Variants in JCHAIN observed in about 807,000 individuals in gnomAD.
JCHAIN encodes the protein immunoglobulin J chain.
Under a neutral mutation model 11.1 loss-of-function variants are expected in JCHAIN, and 5 were observed. The ratio of observed to expected loss-of-function variants is 0.45; its 90% CI spans 0.24 to 0.95. JCHAIN has a LOEUF of 0.95. JCHAIN is among the 40% of genes least tolerant of loss of function. The pLI is 0.21. For missense variants in JCHAIN, 165 were observed against 192.7 expected, an observed-to-expected ratio of 0.86 and a Z score of 0.85; for synonymous variants, 51 against 67.8, an observed-to-expected ratio of 0.75 and a Z score of 1.22.
At chr4:70,661,862 A>G (rs1041992382) in intron 2 of JCHAIN, among the ~76,000 whole-genome samples, 7 of 152,240 alleles carry the variant, frequency 4.6e-5, no homozygotes, top group Non-Finnish European at 1.0e-4. Flanking sequence ...ACCTTTGTTT[A>G]TAATTTGATG....
chr4:70,656,543 A>C lies in JCHAIN; in HGVS notation c.270-4T>G. 6.2e-7 allele frequency: 1 copy of C among 1,603,752 alleles called. No individual in the cohort carries two copies. On this transcript the variant is annotated splice_polypyrimidine_tract_variant and splice_region_variant and intron_variant, in intron 3 of 3. Coordinates refer to ENST00000254801, the MANE Select transcript of JCHAIN (RefSeq NM_144646.4). The stretch of plus-strand genomic sequence containing the variant: ...TGTAGGATCACATTTTTTACAGCTG[A>C]AAAGCAAATATATGTATTAGACAAT...
At chr4:70,665,235 T>G (rs1454425586) in intron 1 of JCHAIN, among the ~76,000 whole-genome samples, 1 of 152,176 alleles carries the variant, frequency 6.6e-6, no homozygotes, top group Non-Finnish European at 1.5e-5. Context: ...CTGCTTACAC[T>G]CTTGCTTGCT....
intron 1 of JCHAIN, among the ~76,000 whole-genome samples, chr4:70,664,682 C>T (rs547332270): frequency 3.7e-4 from 57 of 152,242 alleles, no homozygotes; most frequent in African/African-American, 1.3e-3. Context: ...AAATGATGTC[C>T]TCTTTCCTAC....
rs1245181328 is a variant in JCHAIN, at chr4:70,657,063, CAT to C, written c.269+146_269+147del. The C allele has an allele frequency of 9.1e-5, 41 of 449,888 alleles. No homozygotes were observed. The South Asian group carries it at 2.0e-3, about 21-fold the overall frequency. 27.9% of individuals were successfully genotyped at this position (449,888 alleles called of 1,614,324 possible). ...TGAATTTATGATACCTAATAATTAACATAGGAATTAATGTATTCAAAAGTTCA... is the reference window on the plus strand; with the variant it reads ...TGAATTTATGATACCTAATAATTAACAGGAATTAATGTATTCAAAAGTTCA... On this transcript the variant is annotated intron_variant, in intron 3 of 3. Coordinates refer to ENST00000254801, the MANE Select transcript of JCHAIN (RefSeq NM_144646.4).
At position 70,656,456 on chromosome 4, in the gene JCHAIN, C is replaced by T. The variant is rs753129856; in HGVS notation, c.353G>A (p.Ser118Asn). 6.2e-7 allele frequency: 1 copy of T among 1,613,644 alleles called. No individual in the cohort carries two copies. Among genetic ancestry groups the T allele is most frequent in the Non-Finnish European group, 8.5e-7 (1 of 1,179,540 alleles). The change falls in exon 4 of 4, where the codon AGT becomes AAT. Residue 118 changes from serine (S) to asparagine (N), a missense_variant. Coordinates refer to ENST00000254801, the MANE Select transcript of JCHAIN (RefSeq NM_144646.4). ...ATQSNICDED[S>N]ATETCYTYDR... ...ATAAGTGTAGCAGGTCTCTGTAGCA[C>T]TGTCTTCATCACAGATATTGCTCTG...
At chr4:70,666,396 G>C in intron 1 of JCHAIN, 31 bp downstream of exon 1, 1 of 1,503,640 alleles carries the variant, frequency 6.7e-7, no homozygotes, top group Non-Finnish European at 9.3e-7. Context: ...TTTTTCCTTT[G>C]ATCTGGGATC....
intron 1 of JCHAIN, among the ~76,000 whole-genome samples, chr4:70,663,020 G>A (rs1739091341): frequency 6.6e-6 from 1 of 151,952 alleles, no homozygotes; most frequent in Admixed American, 6.6e-5. Context: ...ATAAAGTGCT[G>A]TAAATTTGCA....
In JCHAIN at chr4:70,657,308, AAAAC is replaced by A; in HGVS notation, c.189-21_189-18del. 4 of 1,494,246 alleles carry A rather than the reference AAAAC, an allele frequency of 2.7e-6. No homozygotes were observed. The highest frequency in any genetic ancestry group is 3.7e-6 in the Non-Finnish European group (4 of 1,073,670). 92.6% of individuals were successfully genotyped at this position (1,494,246 alleles called of 1,614,324 possible). A position where few individuals can be genotyped will look rare whatever the true frequency, so the allele number is the denominator to read the frequency against. On this transcript the variant is annotated intron_variant, in intron 2 of 3. Coordinates refer to ENST00000254801, the MANE Select transcript of JCHAIN (RefSeq NM_144646.4). ...AGAGGAACACTAAAAGAAAAGAAAG[AAAAC>A]AAAGTTAAAACAATGAAATGCAGAT...
intron 1 of JCHAIN, 113 bp from the exon 2 acceptor site, chr4:70,662,328 T>G (rs1739075475): frequency 1.4e-5 from 12 of 858,348 alleles, no homozygotes; most frequent in Admixed American, 5.4e-5. Flanking sequence ...GGTTGGTTTG[T>G]CTCAGCTTTC....
At chr4:70,658,044 C>G (rs745818896) in intron 2 of JCHAIN, among the ~76,000 whole-genome samples, 1 of 152,122 alleles carries the variant, frequency 6.6e-6, no homozygotes, top group Non-Finnish European at 1.5e-5. Context: ...ACAACAAAAA[C>G]CTTGTGTTTC....
chr4:70,656,163 A>G lies in JCHAIN; in HGVS notation c.*166T>C. On this transcript the variant is annotated 3_prime_UTR_variant, in exon 4 of 4. Coordinates refer to ENST00000254801, the MANE Select transcript of JCHAIN (RefSeq NM_144646.4). Reference sequence around the variant, plus strand: ...GAAGTGATTACCTAATAAAGATAACAATGTGACTATTTTAATTATTTTGGT... The same window carrying G: ...GAAGTGATTACCTAATAAAGATAACGATGTGACTATTTTAATTATTTTGGT... The G allele has an allele frequency of 1.7e-6, 1 of 605,164 alleles. No homozygotes were observed. Among genetic ancestry groups the G allele is most frequent in the South Asian group, 2.1e-5 (1 of 47,608 alleles). 37.5% of individuals were successfully genotyped at this position (605,164 alleles called of 1,614,324 possible). A position where few individuals can be genotyped will look rare whatever the true frequency, so the allele number is the denominator to read the frequency against.
At chr4:70,657,145 A>G (rs1348798869) in intron 3 of JCHAIN, 66 bp downstream of exon 3, 1 of 827,310 alleles carries the variant, frequency 1.2e-6, no homozygotes, top group African/African-American at 1.7e-5. Flanking sequence ...ATTCTTACTA[A>G]CAAGGTTAAA....
In JCHAIN at chr4:70,655,630, G is replaced by A. The variant is rs1011753188; in HGVS notation, c.*699C>T. On this transcript the variant is annotated 3_prime_UTR_variant, in exon 4 of 4. Transcript: ENST00000254801. The stretch of plus-strand genomic sequence containing the variant: ...ATTTCATAAGGTTCAGTTACAAAAT[G>A]GATTGTTTCAAATGGCAATTTCTTA... 1.8e-4 allele frequency: 28 copies of A among 151,994 alleles called. No individual in the cohort carries two copies. The highest frequency in any genetic ancestry group is 6.8e-4 in the African/African-American group (28 of 41,358). 9.4% of individuals were successfully genotyped at this position (151,994 alleles called of 1,614,324 possible).
chr4:70,662,611 ACAAT>A lies in JCHAIN; in HGVS notation c.65-400_65-397del, dbSNP rs370859683. ...CACAATTATCTGCCTTTTCATAATA[ACAAT>A]CAGATTATCATAGTACATGATTCAA... On this transcript the variant is annotated intron_variant, in intron 1 of 3. Transcript: ENST00000254801. Among the ~76,000 whole-genome samples the A allele has an allele frequency of 4.8e-3, 731 of 152,322 alleles. 5 individuals carry two copies. The highest frequency in any genetic ancestry group is 0.012 in the African/African-American group (489 of 41,566).
Position 70,662,165 on chromosome 4 carries a change from G to T in JCHAIN, c.115C>A (p.Arg39=). Residue 39 remains arginine, a synonymous_variant, in exon 2 of 4, where the codon CGG becomes AGG. Transcript: ENST00000254801. ...VLVDNKCKCA[R]ITSRIIRSSE... ...GAACGGATGATCCTGGAAGTAATCC[G>T]GGCACACTTACATTTGTTGTCAACA... is the stretch of plus-strand genomic sequence containing the variant. 1.9e-6 allele frequency: 3 copies of T among 1,612,614 alleles called. No individual in the cohort carries two copies. The highest frequency in any genetic ancestry group is 2.5e-6 in the Non-Finnish European group (3 of 1,178,676).
chr4:70,660,362 A>G (rs1436724625), intron 2 of JCHAIN, among the ~76,000 whole-genome samples: 1 of 151,196 alleles, frequency 6.6e-6, no homozygotes. Flanking sequence ...AAATAGAGAC[A>G]CTACAGCAGT....
rs572710543 is a variant in JCHAIN, at chr4:70,656,471, A to C, written c.338T>G (p.Ile113Ser). The C allele has an allele frequency of 6.2e-7, 1 of 1,613,894 alleles. No homozygotes were observed. Among genetic ancestry groups the C allele is most frequent in the South Asian group, 1.1e-5 (1 of 91,076 alleles). ...CTCTGTAGCACTGTCTTCATCACAG[A>C]TATTGCTCTGGGTAGCAGTAACTAT... is the stretch of plus-strand genomic sequence containing the variant. ...NQIVTATQSN[I>S]CDEDSATETC... Residue 113 changes from isoleucine to serine, a missense_variant, in exon 4 of 4, where the codon ATC (isoleucine) becomes AGC (serine). Transcript: ENST00000254801.
At chr4:70,663,174 T>C (rs1217958487) in intron 1 of JCHAIN, among the ~76,000 whole-genome samples, 1 of 152,044 alleles carries the variant, frequency 6.6e-6, no homozygotes, top group Non-Finnish European at 1.5e-5. Flanking sequence ...ATCTGAATAT[T>C]AGACAAAGAG....
At chr4:70,663,768 T>A (rs551217879) in intron 1 of JCHAIN, among the ~76,000 whole-genome samples, 2 of 148,614 alleles carry the variant, frequency 1.3e-5, no homozygotes, top group African/African-American at 5.0e-5. Context: ...ACCATGTTGG[T>A]TAGGCTGGTC....
Sources: gnomAD v4.1 joint callset for allele counts (sites outside exome capture counted in the v4.1 genomes callset) on GRCh38, gnomAD v4.1.1 for gene constraint, MANE v1.5 for transcripts, NCBI Gene and HGNC (gene_info 2026-07-23, HGNC 2026-07-21) for gene names.